The following WHRN variants were observed in gnomAD, a reference collection of about 807,000 sequenced individuals.
The protein encoded by WHRN is whirlin, also known as CASK-interacting protein CIP98.
WHRN carries 41 observed loss-of-function variants against 68.3 expected under a neutral mutation model. That is an observed-to-expected ratio of 0.60 (90% CI 0.47 to 0.78). WHRN has a LOEUF of 0.78. Among genes scored for constraint, WHRN ranks in the 30% least tolerant of loss-of-function variants. WHRN has a pLI of 0.00. For missense variants in WHRN, 1,243 were observed against 1,244.7 expected (o/e 1.00, Z 0.02); for synonymous variants, 560 against 561.3 (o/e 1.00, Z 0.03).
chr9:114,408,415 G>T (rs1013370040), intron 7 of WHRN, among the ~76,000 whole-genome samples: 2 of 152,248 alleles, frequency 1.3e-5, no homozygotes, highest in African/African-American at 4.8e-5. Flanking sequence ...CAAGAGAGAA[G>T]TGGATGGGGA....
intron 2 of WHRN, among the ~76,000 whole-genome samples, chr9:114,470,861 T>A (rs1225964204): frequency 6.9e-6 from 1 of 145,214 alleles, no homozygotes; most frequent in Non-Finnish European, 1.5e-5. Context: ...GACATGAAGA[T>A]CCCAGCAGGG....
chr9:114,428,777 C>A (rs902533931), intron 3 of WHRN, among the ~76,000 whole-genome samples: 2 of 151,970 alleles, frequency 1.3e-5, no homozygotes, highest in Non-Finnish European at 2.9e-5. Flanking sequence ...TCTGCCTTTA[C>A]CCCCCTGAGC....
At chr9:114,443,856 G>A (rs1838597886) in intron 3 of WHRN, among the ~76,000 whole-genome samples, 1 of 152,220 alleles carries the variant, frequency 6.6e-6, no homozygotes, top group Non-Finnish European at 1.5e-5. Flanking sequence ...AGGTTTAATG[G>A]ACTCACAGTT....
intron 3 of WHRN, among the ~76,000 whole-genome samples, chr9:114,457,632 T>C (rs1000375897): frequency 4.6e-5 from 7 of 152,078 alleles, no homozygotes; most frequent in African/African-American, 1.4e-4. Flanking sequence ...TAGGCATCAG[T>C]TGGCCAGGCG....
At chr9:114,426,498 C>T in intron 3 of WHRN, 85 bp from the exon 4 acceptor site, 1 of 1,504,994 alleles carries the variant, frequency 6.6e-7, no homozygotes, top group Non-Finnish European at 9.2e-7. Flanking sequence ...CCCAATTCTC[C>T]TCTGGGCCAG....
intron 2 of WHRN, among the ~76,000 whole-genome samples, chr9:114,469,705 T>G (rs2133016331): frequency 6.6e-6 from 1 of 152,364 alleles, no homozygotes; most frequent in East Asian, 1.9e-4. Context: ...TTGCCAGTGT[T>G]GACCCCAGGG....
chr9:114,504,302 T>C lies in WHRN; in HGVS notation c.500A>G (p.Tyr167Cys), dbSNP rs763509653. The change falls in exon 1 of 12, where the codon TAC (tyrosine) becomes TGC (cysteine). Residue 167 changes from tyrosine (Y) to cysteine (C), a missense_variant. Transcript: ENST00000362057. ...RGGSEHGVGI[Y>C]VSLVEPGSLA... ...AGAGCCTGGTTCCACCAGAGACACG[T>C]AGATGCCCACGCCGTGCTCCGAGCC... 3 of 1,613,450 alleles carry C rather than the reference T, an allele frequency of 1.9e-6. No individual in the cohort carries two copies. The highest frequency in any genetic ancestry group is 3.3e-5 in the Admixed American group (2 of 60,026).
intron 9 of WHRN, among the ~76,000 whole-genome samples, chr9:114,405,215 C>T (rs569061287): frequency 1.1e-4 from 16 of 151,968 alleles, no homozygotes; most frequent in African/African-American, 3.6e-4. Context: ...GCTGGGACTA[C>T]AGGTGCCCAC....
intron 3 of WHRN, among the ~76,000 whole-genome samples, chr9:114,431,436 G>T (rs1011392970): frequency 2.6e-5 from 4 of 152,186 alleles, no homozygotes; most frequent in African/African-American, 7.2e-5. Context: ...GTAAACAAAT[G>T]AACCAGCCTT....
intron 1 of WHRN, among the ~76,000 whole-genome samples, chr9:114,502,127 G>A (rs1227050380): frequency 6.6e-6 from 1 of 152,188 alleles, no homozygotes. Context: ...TTTGCCTGTT[G>A]CTTCTGAAGG....
At chr9:114,503,149 T>C (rs1291946000) in intron 1 of WHRN, 5 of 985,356 alleles carry the variant, frequency 5.1e-6, no homozygotes, top group Non-Finnish European at 6.0e-6. Flanking sequence ...GAAGTAGTCG[T>C]GGGCCTCTGC....
intron 3 of WHRN, among the ~76,000 whole-genome samples, chr9:114,433,776 A>C (rs1679371478): frequency 6.6e-6 from 1 of 152,170 alleles, no homozygotes; most frequent in Non-Finnish European, 1.5e-5. Flanking sequence ...TGAGCTCTTC[A>C]CCCAACCCTC....
intron 1 of WHRN, among the ~76,000 whole-genome samples, chr9:114,483,667 G>A (rs926171655): frequency 1.3e-5 from 2 of 152,220 alleles, no homozygotes; most frequent in African/African-American, 2.4e-5. Flanking sequence ...TTGAGCCTGT[G>A]AGACAGAGAC....
In WHRN at chr9:114,478,646, C is replaced by G. The variant is rs397517259; in HGVS notation, c.744G>C (p.Ser248=). The stretch of plus-strand genomic sequence containing the variant: ...CACCACCGTGGGGCTGGGGCAGGCC[C>G]GAGGGTGGGGAGATGCTGCGGCCCT... ...DPQGRSISPP[S]GLPQPHGGAL... The change falls in exon 2 of 12, where the codon TCG becomes TCC. Residue 248 remains serine (S), a synonymous_variant. Coordinates refer to ENST00000362057, the MANE Select transcript of WHRN (RefSeq NM_015404.4). The G allele has an allele frequency of 1.9e-6, 3 of 1,613,536 alleles. No homozygotes were observed.
intron 3 of WHRN, among the ~76,000 whole-genome samples, chr9:114,427,283 A>C (rs1836964794): frequency 6.6e-6 from 1 of 152,246 alleles, no homozygotes; most frequent in African/African-American, 2.4e-5. Context: ...TTAATGAAGG[A>C]ATGTAAAAAC....
rs1488538568 is a variant in WHRN, at chr9:114,478,366, A to G, written c.837+187T>C. The G allele has an allele frequency of 4.1e-6, 3 of 729,974 alleles. No homozygotes were observed. In the African/African-American group the frequency reaches 5.2e-5, roughly 13 times the overall value. The allele number at this position is 729,974 out of a possible 1,614,324, so 45.2% of individuals were successfully genotyped here. ...ATTGTGGCAGCTTAGCCTGTATTAT[A>G]ACATACACTACACAGGTCAAAAAGA... On this transcript the variant is annotated intron_variant, in intron 2 of 11. Coordinates refer to ENST00000362057, the MANE Select transcript of WHRN (RefSeq NM_015404.4).
At chr9:114,494,201 G>A (rs1311449755) in intron 1 of WHRN, among the ~76,000 whole-genome samples, 1 of 152,206 alleles carries the variant, frequency 6.6e-6, no homozygotes, top group Non-Finnish European at 1.5e-5. Flanking sequence ...TTTTTAGTGC[G>A]CTAAGTACTG....
At chr9:114,477,373 T>C (rs564396938) in intron 2 of WHRN, among the ~76,000 whole-genome samples, 28 of 152,040 alleles carry the variant, frequency 1.8e-4, no homozygotes, top group African/African-American at 6.3e-4. Context: ...GTTCCAGGAG[T>C]AACCAAGGGG....
intron 3 of WHRN, among the ~76,000 whole-genome samples, chr9:114,439,171 C>T (rs1381124733): frequency 6.6e-6 from 1 of 152,082 alleles, no homozygotes. Context: ...CATGGGGAGT[C>T]GTACTCGGAG....
Sources: allele counts gnomAD v4.1 joint callset (sites outside exome capture counted in the v4.1 genomes callset), GRCh38; gene constraint gnomAD v4.1.1; transcripts MANE v1.5; gene names NCBI Gene and HGNC (gene_info 2026-07-23, HGNC 2026-07-21).